UQCC2: variants seen among roughly 807,000 people sequenced by gnomAD.
The protein encoded by UQCC2 is ubiquinol-cytochrome c reductase complex assembly factor 2.
A neutral mutation model predicts 19.9 loss-of-function variants in UQCC2; 21 were observed. That is an observed-to-expected ratio of 1.05 (90% CI 0.75 to 1.52). The LOEUF (loss-of-function observed/expected upper bound fraction) is 1.52. Among genes scored for constraint, UQCC2 ranks in the 40% most tolerant of loss-of-function variants. UQCC2 has a pLI of 0.00. For synonymous variants in UQCC2, 57 were observed against 60.9 expected (o/e 0.94, Z 0.30); for missense variants, 135 against 157.5 (o/e 0.86, Z 0.76).
intron 1 of UQCC2, among the ~76,000 whole-genome samples, chr6:33,709,545 G>C (rs17527406): frequency 0.023 from 3,509 of 152,184 alleles, 54 homozygotes; most frequent in African/African-American, 0.047. Context: ...AAAGTTCACG[G>C]GTTTGTAGAA....
intron 1 of UQCC2, 73 bp downstream of exon 1, chr6:33,711,476 C>A (rs748975687): frequency 1.2e-5 from 18 of 1,510,146 alleles, no homozygotes; most frequent in Non-Finnish European, 1.5e-5. Flanking sequence ...GATCCCCCTG[C>A]TAGCGCGCTC....
At chr6:33,704,127 G>A (rs1012908285) in intron 1 of UQCC2, among the ~76,000 whole-genome samples, 4 of 152,342 alleles carry the variant, frequency 2.6e-5, no homozygotes, top group Non-Finnish European at 4.4e-5. Flanking sequence ...GCCGATAAAT[G>A]TGAGCGATTA....
intron 1 of UQCC2, among the ~76,000 whole-genome samples, chr6:33,710,519 A>G (rs1466290047): frequency 1.3e-5 from 2 of 152,184 alleles, no homozygotes; most frequent in African/African-American, 4.8e-5. Context: ...GCCTCTGGAC[A>G]TGTGCAGTGT....
chr6:33,707,758 A>G (rs1342179737), intron 1 of UQCC2, among the ~76,000 whole-genome samples: 1 of 152,186 alleles, frequency 6.6e-6, no homozygotes, highest in Non-Finnish European at 1.5e-5. Flanking sequence ...CAACAATTAC[A>G]TTTGTTGTGC....
intron 1 of UQCC2, among the ~76,000 whole-genome samples, chr6:33,703,964 G>A (rs970957395): frequency 2.6e-5 from 4 of 152,116 alleles, no homozygotes; most frequent in African/African-American, 4.8e-5. Flanking sequence ...ACCGTTCCTC[G>A]GCCTTTGTCT....
At chr6:33,701,484 C>T in intron 1 of UQCC2, 64 bp from the exon 2 acceptor site, 5 of 1,502,022 alleles carry the variant, frequency 3.3e-6, no homozygotes, top group Non-Finnish European at 4.6e-6. Context: ...GTGTCTGTAC[C>T]TTGAGGAAAG....
At chr6:33,711,523 G>C (rs775385326) in intron 1 of UQCC2, 26 bp downstream of exon 1, 3 of 1,580,736 alleles carry the variant, frequency 1.9e-6, no homozygotes, top group African/African-American at 2.7e-5. Flanking sequence ...TCCTCCCCTC[G>C]TCCCAGCCGC....
chr6:33,697,852 TCA>T (rs1561888354), intron 3 of UQCC2, 102 bp from the exon 4 acceptor site: 11 of 900,348 alleles, frequency 1.2e-5, no homozygotes, highest in Non-Finnish European at 5.1e-6. Context: ...GGCTTGCTTT[TCA>T]CACAGTGTGT....
intron 1 of UQCC2, among the ~76,000 whole-genome samples, chr6:33,707,981 C>A (rs1369634600): frequency 1.3e-5 from 2 of 152,236 alleles, no homozygotes; most frequent in Non-Finnish European, 2.9e-5. Flanking sequence ...CACAAGACTC[C>A]CCAGAGGGCA....
intron 3 of UQCC2, chr6:33,698,144 C>T (rs1765591882): frequency 5.8e-6 from 1 of 173,132 alleles, no homozygotes; most frequent in African/African-American, 2.4e-5. Flanking sequence ...CCTTCCTGTC[C>T]CCAGTTTTCA....
chr6:33,711,639 C>T lies in UQCC2; in HGVS notation c.48G>A (p.Trp16Ter), dbSNP rs1424428892. The T allele has an allele frequency of 1.9e-6, 3 of 1,613,894 alleles. No individual in the cohort carries two copies. Among genetic ancestry groups the T allele is most frequent in the Non-Finnish European group, 2.5e-6 (3 of 1,179,940 alleles). The change falls in exon 1 of 4, where the codon TGG (tryptophan) becomes TGA (stop). Residue 16 changes from tryptophan (W) to a stop codon, truncating the protein, a stop_gained. Transcript: ENST00000607484. LOFTEE classifies it high-confidence loss of function. ...YRRFLKLCEE[W>*]PVDETKRGRD... ...GGCCCCGTTTGGTCTCGTCCACTGG[C>T]CATTCCTCACAGAGCTTAAGAAAAC... is the stretch of plus-strand genomic sequence containing the variant.
intron 1 of UQCC2, among the ~76,000 whole-genome samples, chr6:33,707,155 C>T (rs1765710191): frequency 6.6e-6 from 1 of 152,252 alleles, no homozygotes; most frequent in African/African-American, 2.4e-5. Context: ...ACTACCCTAG[C>T]TCACACTGGC....
chr6:33,710,853 TG>T (rs1765760702), intron 1 of UQCC2, among the ~76,000 whole-genome samples: 1 of 152,056 alleles, frequency 6.6e-6, no homozygotes, highest in Non-Finnish European at 1.5e-5. Context: ...AGCGCCAACC[TG>T]GAGGAAAGCA....
At chr6:33,697,876 G>A (rs1765585256) in intron 3 of UQCC2, 126 bp from the exon 4 acceptor site, 2 of 717,854 alleles carry the variant, frequency 2.8e-6, no homozygotes, top group South Asian at 3.7e-5. Context: ...CCTGAAAAAG[G>A]TGGAGACCCA....
At chr6:33,704,616 C>T (rs1035283402) in intron 1 of UQCC2, among the ~76,000 whole-genome samples, 1 of 152,174 alleles carries the variant, frequency 6.6e-6, no homozygotes, top group African/African-American at 2.4e-5. Context: ...CCCGTCCTGC[C>T]ACCATCCCCA....
chr6:33,709,075 G>C (rs1240958794), intron 1 of UQCC2, among the ~76,000 whole-genome samples: 2 of 152,208 alleles, frequency 1.3e-5, no homozygotes, highest in African/African-American at 4.8e-5. Context: ...CTCCGAAAGA[G>C]AAAACTCTTT....
intron 1 of UQCC2, among the ~76,000 whole-genome samples, chr6:33,710,140 C>A (rs867958162): frequency 6.6e-6 from 1 of 152,258 alleles, no homozygotes; most frequent in East Asian, 1.9e-4. Context: ...ACTCAACCTG[C>A]GCATAACCTG....
At chr6:33,700,353 G>T in intron 3 of UQCC2, 91 bp downstream of exon 3, 2 of 1,441,428 alleles carry the variant, frequency 1.4e-6, no homozygotes, top group Non-Finnish European at 9.7e-7. Context: ...TTTCCATCAA[G>T]CAAAACTGTC....
chr6:33,700,590 C>T, intron 2 of UQCC2, 77 bp from the exon 3 acceptor site: 1 of 1,522,354 alleles, frequency 6.6e-7, no homozygotes, highest in Non-Finnish European at 9.1e-7. Flanking sequence ...CTGCATTTCA[C>T]CTAGGCCCTG....
Sources: allele counts gnomAD v4.1 joint callset (sites outside exome capture counted in the v4.1 genomes callset), GRCh38; gene constraint gnomAD v4.1.1; transcripts MANE v1.5; gene names NCBI Gene and HGNC (gene_info 2026-07-23, HGNC 2026-07-21).